Variants in SLC24A3 observed in about 807,000 individuals in gnomAD.
SLC24A3 encodes solute carrier family 24 member 3, also known as sodium/potassium/calcium exchanger 3.
SLC24A3 carries 28 observed loss-of-function variants against 75.8 expected under a neutral mutation model. The observed-to-expected ratio is 0.37, with a 90% CI of 0.27 to 0.51. The LOEUF (loss-of-function observed/expected upper bound fraction) is 0.51. SLC24A3 is among the 20% of genes least tolerant of loss of function. SLC24A3 has a pLI of 0.94. For missense variants in SLC24A3, 663 were observed against 847.8 expected (o/e 0.78, Z 2.71); for synonymous variants, 372 against 334.1 (o/e 1.11, Z -1.24).
At chr20:19,526,698 A>G (rs2030204830) in intron 3 of SLC24A3, among the ~76,000 whole-genome samples, 1 of 152,188 alleles carries the variant, frequency 6.6e-6, no homozygotes, top group Non-Finnish European at 1.5e-5. Flanking sequence ...GTGGGTTTTC[A>G]GAGTTAGACT....
intron 15 of SLC24A3, among the ~76,000 whole-genome samples, chr20:19,702,346 C>G (rs2032883962): frequency 6.6e-6 from 1 of 152,152 alleles, no homozygotes; most frequent in Admixed American, 6.5e-5. Context: ...ATGTTTGGTC[C>G]AAATTCATGT....
At chr20:19,621,915 T>C (rs908123427) in intron 6 of SLC24A3, among the ~76,000 whole-genome samples, 9 of 152,176 alleles carry the variant, frequency 5.9e-5, no homozygotes, top group African/African-American at 2.2e-4. Context: ...AATCTCCTGG[T>C]TGCCAATGCA....
At chr20:19,263,078 G>T (rs1983047273) in intron 1 of SLC24A3, among the ~76,000 whole-genome samples, 1 of 129,866 alleles carries the variant, frequency 7.7e-6, no homozygotes, top group African/African-American at 2.8e-5. Flanking sequence ...TGTGTTTTCT[G>T]TTGACCCCCC....
At chr20:19,484,223 G>C (rs955017782) in intron 2 of SLC24A3, among the ~76,000 whole-genome samples, 4 of 152,158 alleles carry the variant, frequency 2.6e-5, no homozygotes, top group Non-Finnish European at 4.4e-5. Flanking sequence ...GAGGTATCTT[G>C]GAGATGGGGC....
intron 2 of SLC24A3, among the ~76,000 whole-genome samples, chr20:19,409,467 G>A (rs1986707020): frequency 6.6e-6 from 1 of 152,018 alleles, no homozygotes; most frequent in Non-Finnish European, 1.5e-5. Flanking sequence ...TGCCGGATCA[G>A]ACAAGTGAAC....
At chr20:19,252,762 A>G (rs1392384868) in intron 1 of SLC24A3, among the ~76,000 whole-genome samples, 1 of 152,058 alleles carries the variant, frequency 6.6e-6, no homozygotes, top group Non-Finnish European at 1.5e-5. Flanking sequence ...ATAACTCCGC[A>G]GATCTTACTC....
chr20:19,225,640 T>C (rs1981849559), intron 1 of SLC24A3, among the ~76,000 whole-genome samples: 2 of 152,226 alleles, frequency 1.3e-5, no homozygotes, highest in African/African-American at 4.8e-5. Flanking sequence ...TGTTTTCTGT[T>C]ACTATAGTTT....
intron 2 of SLC24A3, among the ~76,000 whole-genome samples, chr20:19,482,143 T>C (rs1282930797): frequency 1.3e-5 from 2 of 152,192 alleles, no homozygotes; most frequent in African/African-American, 2.4e-5. Flanking sequence ...ACCCCCTTTT[T>C]AGAAATGCAA....
At chr20:19,240,021 G>T (rs550149806) in intron 1 of SLC24A3, among the ~76,000 whole-genome samples, 2 of 152,198 alleles carry the variant, frequency 1.3e-5, no homozygotes, top group Non-Finnish European at 2.9e-5. Context: ...GAGATGATCA[G>T]TTTAACCAGG....
At chr20:19,536,361 G>C (rs2030396065) in intron 3 of SLC24A3, among the ~76,000 whole-genome samples, 1 of 152,092 alleles carries the variant, frequency 6.6e-6, no homozygotes, top group African/African-American at 2.4e-5. Context: ...GGGAAGATTG[G>C]CTTTGGGATG....
chr20:19,573,282 C>T (rs1253935636), intron 3 of SLC24A3, among the ~76,000 whole-genome samples: 1 of 152,228 alleles, frequency 6.6e-6, no homozygotes, highest in African/African-American at 2.4e-5. Flanking sequence ...ATGTCATGGG[C>T]CATGATGATT....
At chr20:19,309,619 G>A (rs1984408933) in intron 2 of SLC24A3, among the ~76,000 whole-genome samples, 1 of 152,184 alleles carries the variant, frequency 6.6e-6, no homozygotes, top group Non-Finnish European at 1.5e-5. Context: ...CTCTTTGGGA[G>A]GGATAACAAG....
chr20:19,614,603 G>T (rs2122667507), intron 6 of SLC24A3, among the ~76,000 whole-genome samples: 1 of 152,332 alleles, frequency 6.6e-6, no homozygotes, highest in Admixed American at 6.5e-5. Context: ...TGGACTGTGG[G>T]CACTGGAAGA....
intron 8 of SLC24A3, among the ~76,000 whole-genome samples, chr20:19,668,993 C>T (rs1204285027): frequency 6.6e-6 from 1 of 152,186 alleles, no homozygotes; most frequent in Non-Finnish European, 1.5e-5. Flanking sequence ...AAGGGTCTGC[C>T]TTGACCACTG....
chr20:19,414,241 T>C (rs1986792568), intron 2 of SLC24A3, among the ~76,000 whole-genome samples: 1 of 152,234 alleles, frequency 6.6e-6, no homozygotes, highest in Admixed American at 6.5e-5. Flanking sequence ...TAGCCCATTA[T>C]AAATCAAGAG....
chr20:19,273,194 A>T (rs968712265), intron 1 of SLC24A3, among the ~76,000 whole-genome samples: 2 of 152,018 alleles, frequency 1.3e-5, no homozygotes, highest in African/African-American at 4.8e-5. Context: ...CTCATACCTA[A>T]CCTAGGCCAG....
chr20:19,281,332 C>A (rs2122224475), intron 2 of SLC24A3, among the ~76,000 whole-genome samples: 1 of 152,308 alleles, frequency 6.6e-6, no homozygotes, highest in South Asian at 2.1e-4. Flanking sequence ...TGATGCGGTA[C>A]TGAGATCAGA....
At chr20:19,424,762 A>C (rs868408729) in intron 2 of SLC24A3, among the ~76,000 whole-genome samples, 2,791 of 140,824 alleles carry the variant, frequency 0.02, 93 homozygotes, top group African/African-American at 0.063. Flanking sequence ...AAAAAAAAAA[A>C]AAAAAAAAAC....
intron 1 of SLC24A3, among the ~76,000 whole-genome samples, chr20:19,270,246 C>T (rs1166448571): frequency 2.6e-5 from 4 of 152,026 alleles, no homozygotes; most frequent in Non-Finnish European, 5.9e-5. Flanking sequence ...GGTGCTTGGA[C>T]CAGCAGCACT....
Sources: allele counts gnomAD v4.1 joint callset (sites outside exome capture counted in the v4.1 genomes callset), GRCh38; gene constraint gnomAD v4.1.1; transcripts MANE v1.5; gene names NCBI Gene and HGNC (gene_info 2026-07-23, HGNC 2026-07-21).